The following GLI2 variants were observed in gnomAD, a reference collection of about 807,000 sequenced individuals.
GLI2 encodes the protein GLI family zinc finger 2.
In GLI2, 22 loss-of-function variants were observed where a neutral mutation model predicts 78.9. That is an observed-to-expected ratio of 0.28 (90% CI 0.20 to 0.40). The LOEUF (loss-of-function observed/expected upper bound fraction) is 0.40, where lower values mean the gene tolerates loss of function less well. Ranked by LOEUF, GLI2 falls within the 10% of genes least tolerant of loss-of-function variation. GLI2 has a pLI of 1.00. For missense variants in GLI2, 2,097 were observed against 2,213.2 expected, an observed-to-expected ratio of 0.95 and a Z score of 1.05; for synonymous variants, 974 against 963.7, an observed-to-expected ratio of 1.01 and a Z score of -0.20.
At chr2:120,806,743 C>G (rs997891080) in intron 2 of GLI2, among the ~76,000 whole-genome samples, 3 of 152,146 alleles carry the variant, frequency 2.0e-5, no homozygotes, top group African/African-American at 7.2e-5. Flanking sequence ...CCCGGAGGCT[C>G]CACTGAAGTC....
intron 1 of GLI2, among the ~76,000 whole-genome samples, chr2:120,758,861 G>T (rs34875362): frequency 1.3e-5 from 2 of 152,080 alleles, no homozygotes; most frequent in Non-Finnish European, 2.9e-5. Context: ...TTGCACAGAA[G>T]GGGAGGGGCA....
chr2:120,961,962 G>A (rs2166562), intron 5 of GLI2, among the ~76,000 whole-genome samples: 121,764 of 151,952 alleles, frequency 0.8, 52,853 homozygotes, highest in East Asian at 1. Flanking sequence ...CCTGGGACCA[G>A]GTGCCAGGAT....
intron 1 of GLI2, among the ~76,000 whole-genome samples, chr2:120,796,169 A>G (rs1684383680): frequency 6.6e-6 from 1 of 152,212 alleles, no homozygotes; most frequent in Admixed American, 6.5e-5. Context: ...TGGAGACGGA[A>G]GTTGCCCATG....
chr2:120,871,592 CT>C (rs1345421582), intron 2 of GLI2, among the ~76,000 whole-genome samples: 1 of 152,180 alleles, frequency 6.6e-6, no homozygotes, highest in East Asian at 1.9e-4. Flanking sequence ...ATAGGTATGG[CT>C]TGCAAAGGAC....
intron 2 of GLI2, among the ~76,000 whole-genome samples, chr2:120,924,616 C>T (rs1679570482): frequency 1.3e-5 from 2 of 152,094 alleles, no homozygotes; most frequent in African/African-American, 2.4e-5. Context: ...TCTGGTCTGC[C>T]CTGCCATGTT....
At chr2:120,839,571 TA>T (rs1467348210) in intron 2 of GLI2, among the ~76,000 whole-genome samples, 1 of 152,222 alleles carries the variant, frequency 6.6e-6, no homozygotes, top group Non-Finnish European at 1.5e-5. Context: ...ATTTTTTATT[TA>T]TTTTTTTGAG....
intron 1 of GLI2, among the ~76,000 whole-genome samples, chr2:120,746,164 A>G (rs1682688099): frequency 6.6e-6 from 1 of 152,226 alleles, no homozygotes; most frequent in Admixed American, 6.5e-5. Context: ...ATGGGTGGTC[A>G]GGAAAAGCTG....
At chr2:120,812,598 G>A (rs530965079) in intron 2 of GLI2, among the ~76,000 whole-genome samples, 1 of 152,220 alleles carries the variant, frequency 6.6e-6, no homozygotes, top group South Asian at 2.1e-4. Context: ...TGGCCTTCTG[G>A]GGGCATGTCT....
intron 2 of GLI2, among the ~76,000 whole-genome samples, chr2:120,837,555 G>A (rs912828441): frequency 6.6e-6 from 1 of 152,118 alleles, no homozygotes. Flanking sequence ...TCTGTGGCTT[G>A]TGTTTGTATT....
chr2:120,765,425 C>G (rs1422728467), intron 1 of GLI2, among the ~76,000 whole-genome samples: 1 of 152,226 alleles, frequency 6.6e-6, no homozygotes, highest in South Asian at 2.1e-4. Flanking sequence ...GAGCGATCAA[C>G]CCAGGGGAGT....
chr2:120,798,492 AGGGCCTGCGGG>A (rs1249356383), intron 2 of GLI2, among the ~76,000 whole-genome samples: 1 of 152,140 alleles, frequency 6.6e-6, no homozygotes, highest in East Asian at 1.9e-4. Flanking sequence ...AGTGGACCTG[AGGGCCTGCGGG>A]GGGTTGTTAC....
chr2:120,738,109 C>G (rs1407582285), intron 1 of GLI2, among the ~76,000 whole-genome samples: 2 of 152,208 alleles, frequency 1.3e-5, no homozygotes, highest in Non-Finnish European at 2.9e-5. Flanking sequence ...GGGCCTGACT[C>G]CACAGGGACG....
intron 1 of GLI2, among the ~76,000 whole-genome samples, chr2:120,758,861 G>C (rs34875362): frequency 0.15 from 22,384 of 152,162 alleles, 1,670 homozygotes; most frequent in Middle Eastern, 0.21. Flanking sequence ...TTGCACAGAA[G>C]GGGAGGGGCA....
At chr2:120,971,657 G>A (rs1028095942) in intron 7 of GLI2, among the ~76,000 whole-genome samples, 23 of 152,204 alleles carry the variant, frequency 1.5e-4, no homozygotes, top group African/African-American at 2.4e-4. Flanking sequence ...AGGAGCAAGG[G>A]CACCCTGCAT....
At chr2:120,843,556 G>A (rs1301262891) in intron 2 of GLI2, among the ~76,000 whole-genome samples, 1 of 152,234 alleles carries the variant, frequency 6.6e-6, no homozygotes, top group African/African-American at 2.4e-5. Flanking sequence ...GAAAAGGAAA[G>A]CAAATACCCC....
chr2:120,761,454 G>A (rs1683209561), intron 1 of GLI2, among the ~76,000 whole-genome samples: 1 of 152,226 alleles, frequency 6.6e-6, no homozygotes, highest in Non-Finnish European at 1.5e-5. Flanking sequence ...GGGGGTGGCT[G>A]CTTCTCTCCC....
chr2:120,811,117 T>C (rs1310957064), intron 2 of GLI2, among the ~76,000 whole-genome samples: 1 of 152,214 alleles, frequency 6.6e-6, no homozygotes, highest in Admixed American at 6.5e-5. Flanking sequence ...AGCCCCCTTA[T>C]CTGCTGGAGC....
At chr2:120,854,509 CAG>C (rs1446025006) in intron 2 of GLI2, among the ~76,000 whole-genome samples, 1 of 152,206 alleles carries the variant, frequency 6.6e-6, no homozygotes, top group Admixed American at 6.5e-5. Context: ...CTGTGACAAT[CAG>C]GGGAAATCAG....
At chr2:120,864,223 C>T (rs1437347033) in intron 2 of GLI2, among the ~76,000 whole-genome samples, 1 of 152,206 alleles carries the variant, frequency 6.6e-6, no homozygotes, top group Non-Finnish European at 1.5e-5. Context: ...AAAGGTAGTT[C>T]TGGGAGACAC....
Sources: allele counts gnomAD v4.1 joint callset (sites outside exome capture counted in the v4.1 genomes callset), GRCh38; gene constraint gnomAD v4.1.1; transcripts MANE v1.5; gene names NCBI Gene and HGNC (gene_info 2026-07-23, HGNC 2026-07-21).